Variants in RBFOX1 observed in about 807,000 individuals in gnomAD.
RBFOX1 encodes RNA binding protein fox-1 homolog 1.
In RBFOX1, 8 loss-of-function variants were observed where a neutral mutation model predicts 57.7. The ratio of observed to expected loss-of-function variants is 0.14; its 90% confidence interval spans 0.08 to 0.25. The LOEUF (loss-of-function observed/expected upper bound fraction) is 0.25, where lower values mean the gene tolerates loss of function less well. Ranked by LOEUF, RBFOX1 falls within the 10% of genes least tolerant of loss-of-function variation. RBFOX1 has a pLI of 1.00. For synonymous variants in RBFOX1, 326 were observed against 222.4 expected, an observed-to-expected ratio of 1.47 and a Z score of -4.15; for missense variants, 611 against 548.5, an observed-to-expected ratio of 1.11 and a Z score of -1.14.
chr16:6,807,914 G>GTATA (rs932439939), intron 3 of RBFOX1, among the ~76,000 whole-genome samples: 21 of 132,162 alleles, frequency 1.6e-4, no homozygotes, highest in African/African-American at 4.9e-4. Context: ...GTGTGTGTGT[G>GTATA]TATATATATA....
intron 4 of RBFOX1, among the ~76,000 whole-genome samples, chr16:7,348,775 C>G (rs904009195): frequency 1.1e-4 from 17 of 152,098 alleles, no homozygotes; most frequent in African/African-American, 3.9e-4. Flanking sequence ...AACTTCATCT[C>G]TACTAAAAAT....
chr16:6,009,672 C>G (rs1217050819), intron 4 of RBFOX1, among the ~76,000 whole-genome samples: 1 of 152,136 alleles, frequency 6.6e-6, no homozygotes, highest in African/African-American at 2.4e-5. Flanking sequence ...GCCCTCAGAT[C>G]TTAAAATCAC....
At chr16:6,052,941 G>C (rs1374424199) in intron 1 of RBFOX1, among the ~76,000 whole-genome samples, 1 of 151,964 alleles carries the variant, frequency 6.6e-6, no homozygotes, top group Non-Finnish European at 1.5e-5. Flanking sequence ...ATAAATATTA[G>C]TTCATCATCT....
At chr16:5,930,644 G>C (rs1173639978) in intron 4 of RBFOX1, among the ~76,000 whole-genome samples, 2 of 128,672 alleles carry the variant, frequency 1.6e-5, no homozygotes, top group Non-Finnish European at 3.3e-5. Flanking sequence ...ATGCATGGTT[G>C]GGTAGGTGGG....
At chr16:5,316,899 G>A (rs937914534) in intron 1 of RBFOX1, among the ~76,000 whole-genome samples, 9 of 152,222 alleles carry the variant, frequency 5.9e-5, no homozygotes, top group Admixed American at 2.0e-4. Flanking sequence ...GGTGGGCAGA[G>A]TCCAATTGGC....
rs2055839365 is a variant in RBFOX1 at position 5,821,168 on chromosome 16, C to A, written c.319-46135C>A. Among the ~76,000 whole-genome samples the A allele has an allele frequency of 2.0e-5, 3 of 152,146 alleles. No individual in the cohort carries two copies. In the South Asian group the frequency reaches 6.3e-4, roughly 32 times the overall value. On this transcript the variant is annotated intron_variant, in intron 3 of 19. Transcript: ENST00000641259. ...TGCTGCAGACTGCTGTCATTTTCTC[C>A]TCGTCTGGCCTGGGAGATAACATGG...
At chr16:7,666,247 T>C (rs2069222214) in intron 13 of RBFOX1, among the ~76,000 whole-genome samples, 1 of 152,140 alleles carries the variant, frequency 6.6e-6, no homozygotes, top group African/African-American at 2.4e-5. Context: ...GGGTAGATTA[T>C]TGCAGATGGG....
intron 2 of RBFOX1, among the ~76,000 whole-genome samples, chr16:6,325,095 C>G (rs907019581): frequency 1.3e-5 from 2 of 152,180 alleles, no homozygotes; most frequent in Non-Finnish European, 2.9e-5. Flanking sequence ...GTGGCTCATG[C>G]TTATAAGCCC....
chr16:7,432,085 G>T (rs1017774623), intron 4 of RBFOX1, among the ~76,000 whole-genome samples: 1 of 152,212 alleles, frequency 6.6e-6, no homozygotes, highest in African/African-American at 2.4e-5. Flanking sequence ...GGGGGCAGAT[G>T]GGTCTTCAGA....
At chr16:7,093,313 G>A (rs966281461) in intron 4 of RBFOX1, among the ~76,000 whole-genome samples, 2 of 152,144 alleles carry the variant, frequency 1.3e-5, no homozygotes, top group African/African-American at 2.4e-5. Flanking sequence ...TACTGAGCTT[G>A]CCTCTCTTGT....
intron 1 of RBFOX1, among the ~76,000 whole-genome samples, chr16:6,279,402 C>T (rs944763939): frequency 6.6e-6 from 1 of 152,138 alleles, no homozygotes; most frequent in African/African-American, 2.4e-5. Context: ...GAGCATGAGA[C>T]GTTAAATGAG....
chr16:7,404,144 C>G (rs2098294872), intron 4 of RBFOX1, among the ~76,000 whole-genome samples: 1 of 151,672 alleles, frequency 6.6e-6, no homozygotes, highest in Non-Finnish European at 1.5e-5. Context: ...CCTCCACCTC[C>G]CAGGTTCAAG....
intron 2 of RBFOX1, among the ~76,000 whole-genome samples, chr16:6,555,961 T>C (rs140659861): frequency 5.3e-4 from 80 of 152,300 alleles, no homozygotes; most frequent in Admixed American, 3.9e-4. Context: ...TCTGGCATTA[T>C]TGGATGAAAG....
chr16:7,314,607 A>G (rs931618455), intron 4 of RBFOX1, among the ~76,000 whole-genome samples: 2 of 152,138 alleles, frequency 1.3e-5, no homozygotes, highest in African/African-American at 2.4e-5. Flanking sequence ...TCACGGTCCT[A>G]TTTGTTTCCC....
At chr16:7,165,586 C>A (rs1313751995) in intron 4 of RBFOX1, among the ~76,000 whole-genome samples, 1 of 151,610 alleles carries the variant, frequency 6.6e-6, no homozygotes, top group Non-Finnish European at 1.5e-5. Flanking sequence ...TGCACCACCA[C>A]GCCCGGCTAA....
intron 4 of RBFOX1, among the ~76,000 whole-genome samples, chr16:5,908,281 T>C (rs1217048896): frequency 7.0e-6 from 1 of 142,338 alleles, no homozygotes; most frequent in Non-Finnish European, 1.5e-5. Flanking sequence ...TATACATACA[T>C]ATATATACAC....
chr16:7,130,859 C>G (rs770062412), intron 4 of RBFOX1, among the ~76,000 whole-genome samples: 5 of 152,050 alleles, frequency 3.3e-5, no homozygotes, highest in African/African-American at 1.2e-4. Flanking sequence ...TCAGGCAATC[C>G]TGGGGTGCCA....
At chr16:7,691,069 A>T (rs1450004423) in intron 14 of RBFOX1, among the ~76,000 whole-genome samples, 1 of 152,120 alleles carries the variant, frequency 6.6e-6, no homozygotes, top group African/African-American at 2.4e-5. Context: ...ACTTTCTGAC[A>T]CCTTATGGTG....
chr16:5,544,243 G>A (rs2045090087), intron 2 of RBFOX1, among the ~76,000 whole-genome samples: 1 of 152,198 alleles, frequency 6.6e-6, no homozygotes, highest in Non-Finnish European at 1.5e-5. Context: ...TTTGGTCCCA[G>A]TGGAATTAAA....
Sources: allele counts gnomAD v4.1 joint callset (sites outside exome capture counted in the v4.1 genomes callset), GRCh38; gene constraint gnomAD v4.1.1; transcripts MANE v1.5; gene names NCBI Gene and HGNC (gene_info 2026-07-23, HGNC 2026-07-21).